Variants in ZSCAN5A observed in about 807,000 individuals in gnomAD.
ZSCAN5A encodes the protein zinc finger and SCAN domain-containing protein 5A.
In ZSCAN5A, 12 loss-of-function variants were observed where a neutral mutation model predicts 23.7. That is an observed-to-expected ratio of 0.51 (90% CI 0.32 to 0.82). The LOEUF is 0.82. Ranked by LOEUF, ZSCAN5A falls within the 40% of genes least tolerant of loss-of-function variation. The pLI is 0.03. For synonymous variants in ZSCAN5A, 257 were observed against 239.9 expected (o/e 1.07, Z -0.66); for missense variants, 597 against 617.9 (o/e 0.97, Z 0.36).
chr19:56,359,547 A>C (rs1468149480), intron 2 of ZSCAN5A, among the ~76,000 whole-genome samples: 6 of 152,212 alleles, frequency 3.9e-5, no homozygotes, highest in Non-Finnish European at 8.8e-5. Flanking sequence ...AAACAATCGA[A>C]AAGAAGAGAC....
At chr19:56,269,668 C>A (rs544695969) in intron 2 of ZSCAN5A, among the ~76,000 whole-genome samples, 123 of 152,212 alleles carry the variant, frequency 8.1e-4, no homozygotes, top group African/African-American at 2.8e-3. Flanking sequence ...AAGACTTGAC[C>A]GGCCATCGCT....
chr19:56,245,349 A>G, intron 2 of ZSCAN5A: 1 of 752,410 alleles, frequency 1.3e-6, no homozygotes, highest in Non-Finnish European at 2.5e-6. Context: ...TCTGTGAATG[A>G]GATGCGTCCG....
intron 2 of ZSCAN5A, among the ~76,000 whole-genome samples, chr19:56,243,228 A>G (rs8110131): frequency 0.57 from 84,283 of 147,910 alleles, 24,526 homozygotes; most frequent in South Asian, 0.71. Context: ...GGGTGGGCAG[A>G]GGGTGATCAT....
chr19:56,281,665 T>C, intron 2 of ZSCAN5A: 1 of 984,920 alleles, frequency 1.0e-6, no homozygotes, highest in South Asian at 4.7e-5. Flanking sequence ...GTTGATTCAC[T>C]GGCTCCTGGC....
chr19:56,254,557 A>C (rs1040195221), intron 2 of ZSCAN5A, among the ~76,000 whole-genome samples: 2 of 152,158 alleles, frequency 1.3e-5, no homozygotes, highest in African/African-American at 4.8e-5. Flanking sequence ...TAACGTTGCA[A>C]TGAACATAGG....
intron 2 of ZSCAN5A, among the ~76,000 whole-genome samples, chr19:56,260,214 CTT>C (rs398041088): frequency 1.0e-4 from 13 of 127,844 alleles, no homozygotes; most frequent in East Asian, 2.3e-4. Flanking sequence ...TATTTTTTTA[CTT>C]TTTTTTTTTT....
rs903366009 is a variant in ZSCAN5A at position 56,328,311 on chromosome 19, CTATTT to C, written c.-357-12048_-357-12044del. Among the ~76,000 whole-genome samples the C allele has an allele frequency of 3.6e-4, 55 of 152,168 alleles. 1 individual carries two copies. The Middle Eastern group carries it at 0.027, about 75-fold the overall frequency. ...CAAACTTCCTGTTTTAAAAATTTTA[CTATTT>C]TATTATAAAATAATTTTAGTTTTAT... On this transcript the variant is annotated intron_variant, in intron 2 of 6. Coordinates refer to the ZSCAN5A transcript ENST00000587340.
At chr19:56,289,974 GA>G (rs1418903870) in intron 2 of ZSCAN5A, among the ~76,000 whole-genome samples, 3 of 152,192 alleles carry the variant, frequency 2.0e-5, no homozygotes, top group African/African-American at 7.2e-5. Context: ...AGGAGTTGAA[GA>G]AAACGAATAC....
At chr19:56,322,421 C>T (rs978750821) in intron 2 of ZSCAN5A, 4 of 602,416 alleles carry the variant, frequency 6.6e-6, no homozygotes, top group East Asian at 2.8e-5. Flanking sequence ...AGGAGGCGGG[C>T]GACCCCGCAA....
chr19:56,251,290 G>A (rs552707356), intron 2 of ZSCAN5A, among the ~76,000 whole-genome samples: 14 of 152,254 alleles, frequency 9.2e-5, no homozygotes, highest in African/African-American at 2.9e-4. Context: ...TTGAATGGGG[G>A]ATGTCTATGG....
chr19:56,221,963 T>C lies in ZSCAN5A; in HGVS notation c.1103A>G (p.Asn368Ser). ...CDVCEKRFTC[N>S]SKLVIHKRSH... Reference sequence around the variant, plus strand: ...TCTCTTGTGGATGACTAGCTTGGAATTACACGTAAACCTCTTCTCGCACAC... The same window carrying C: ...TCTCTTGTGGATGACTAGCTTGGAACTACACGTAAACCTCTTCTCGCACAC... Residue 368 changes from asparagine to serine, a missense_variant, in exon 6 of 6, where the codon AAT (asparagine) becomes AGT (serine). This residue lies in a region of ZSCAN5A where 406 missense variants were observed against 353.2 expected (regional missense o/e 1.15). Transcript: ENST00000683990. The C allele has an allele frequency of 6.2e-7, 1 of 1,613,844 alleles. No homozygotes were observed. The highest frequency in any genetic ancestry group is 8.5e-7 in the Non-Finnish European group (1 of 1,180,008).
At chr19:56,276,867 T>C (rs2038304647) in intron 2 of ZSCAN5A, among the ~76,000 whole-genome samples, 1 of 152,052 alleles carries the variant, frequency 6.6e-6, no homozygotes, top group Non-Finnish European at 1.5e-5. Context: ...TTTACCTTAT[T>C]GTAAATTCAA....
intron 2 of ZSCAN5A, among the ~76,000 whole-genome samples, chr19:56,355,168 C>T (rs1302404295): frequency 6.7e-6 from 1 of 149,638 alleles, no homozygotes; most frequent in Non-Finnish European, 1.5e-5. Flanking sequence ...GTCTCCCATA[C>T]ATAATTTCAG....
chr19:56,298,451 C>T (rs2040020703), intron 2 of ZSCAN5A, among the ~76,000 whole-genome samples: 1 of 152,010 alleles, frequency 6.6e-6, no homozygotes, highest in African/African-American at 2.4e-5. Context: ...TCCCACCCAA[C>T]ATGATGAAAC....
chr19:56,225,736 G>T (rs1179692588), intron 2 of ZSCAN5A, among the ~76,000 whole-genome samples: 1 of 152,072 alleles, frequency 6.6e-6, no homozygotes, highest in South Asian at 2.1e-4. Context: ...CTCTCTTCAA[G>T]TTCACGATTT....
intron 2 of ZSCAN5A, among the ~76,000 whole-genome samples, chr19:56,353,547 A>G (rs761950912): frequency 1.4e-4 from 21 of 152,080 alleles, no homozygotes; most frequent in Non-Finnish European, 2.2e-4. Flanking sequence ...AGGCGGGCGA[A>G]TCAGGAGGTC....
intron 2 of ZSCAN5A, chr19:56,295,956 C>G (rs2039845179): frequency 1.3e-5 from 2 of 152,770 alleles, no homozygotes; most frequent in African/African-American, 4.8e-5. Flanking sequence ...TGGACATCAT[C>G]AGAGATCCTA....
At chr19:56,263,876 A>G (rs1195172372) in intron 2 of ZSCAN5A, among the ~76,000 whole-genome samples, 1 of 152,132 alleles carries the variant, frequency 6.6e-6, no homozygotes, top group Non-Finnish European at 1.5e-5. Flanking sequence ...ATTATATGCT[A>G]TACATATTGC....
intron 2 of ZSCAN5A, chr19:56,247,009 G>A (rs765940697): frequency 8.8e-7 from 1 of 1,130,446 alleles, no homozygotes; most frequent in East Asian, 2.4e-5. Context: ...AGGCCCTGCA[G>A]GTGCAGTCAG....
Sources: allele counts gnomAD v4.1 joint callset (sites outside exome capture counted in the v4.1 genomes callset), GRCh38; gene constraint gnomAD v4.1.1; regional missense constraint gnomAD v4.1.1; transcripts MANE v1.5; gene names NCBI Gene and HGNC (gene_info 2026-07-23, HGNC 2026-07-21).